BAZ1B: variants seen among roughly 807,000 people sequenced by gnomAD.
The protein encoded by BAZ1B is bromodomain adjacent to zinc finger domain 1B, also known as tyrosine-protein kinase BAZ1B.
In BAZ1B, 22 loss-of-function variants were observed where a neutral mutation model predicts 153.8. That is an observed-to-expected ratio of 0.14 (90% CI 0.10 to 0.20). The LOEUF (loss-of-function observed/expected upper bound fraction) is 0.20, where lower values mean the gene tolerates loss of function less well. Ranked by LOEUF, BAZ1B falls within the 10% of genes least tolerant of loss-of-function variation. BAZ1B has a pLI of 1.00. For synonymous variants in BAZ1B, 676 were observed against 633.4 expected (o/e 1.07, Z -1.01); for missense variants, 1,325 against 1,799.3 (o/e 0.74, Z 4.77).
At position 73,447,393 on chromosome 7, in the gene BAZ1B, AAAT is replaced by A; in HGVS notation, c.3729-17_3729-15del. ...TCAGTATAGTTCCTGTGGGTAGAAAAAATAATGTAGGGAACACAGTTTTAGCCC... is the reference window on the plus strand; with the variant it reads ...TCAGTATAGTTCCTGTGGGTAGAAAAAATGTAGGGAACACAGTTTTAGCCC... On this transcript the variant is annotated splice_polypyrimidine_tract_variant and intron_variant, in intron 15 of 19. Transcript: ENST00000339594. 1 of 1,605,076 alleles carries A rather than the reference AAAT, an allele frequency of 6.2e-7. No individual in the cohort carries two copies. Among genetic ancestry groups the A allele is most frequent in the Non-Finnish European group, 8.5e-7 (1 of 1,175,402 alleles).
intron 4 of BAZ1B, among the ~76,000 whole-genome samples, chr7:73,497,334 A>T (rs1789953526): frequency 6.6e-6 from 1 of 152,178 alleles, no homozygotes; most frequent in African/African-American, 2.4e-5. Context: ...CTTCAACAGC[A>T]ACAGGAGGTC....
chr7:73,498,367 T>C, intron 4 of BAZ1B, 130 bp downstream of exon 4: 1 of 849,326 alleles, frequency 1.2e-6, no homozygotes, highest in South Asian at 1.6e-5. Context: ...GTTCTATGAA[T>C]CATAAATGAA....
intron 3 of BAZ1B, among the ~76,000 whole-genome samples, chr7:73,505,222 T>C (rs1357312217): frequency 4.6e-5 from 7 of 152,200 alleles, no homozygotes; most frequent in Non-Finnish European, 1.0e-4. Context: ...TTTTTCCAGA[T>C]ATGCTTCTGG....
chr7:73,517,410 C>T (rs1425232923), intron 1 of BAZ1B, among the ~76,000 whole-genome samples: 2 of 151,908 alleles, frequency 1.3e-5, no homozygotes, highest in African/African-American at 4.8e-5. Context: ...GGAAGAATCA[C>T]TTGAGCCTGG....
chr7:73,441,899 A>G (rs1372754439), intron 19 of BAZ1B: 18 of 426,462 alleles, frequency 4.2e-5, no homozygotes, highest in African/African-American at 6.0e-5. Flanking sequence ...GCCCTTAGGA[A>G]AGAAGGCAGG....
intron 6 of BAZ1B, among the ~76,000 whole-genome samples, chr7:73,483,638 T>A (rs1185651124): frequency 1.3e-5 from 2 of 151,544 alleles, no homozygotes; most frequent in African/African-American, 4.8e-5. Context: ...CTCACAAACT[T>A]TTTTTTTTCC....
chr7:73,514,743 T>C, intron 1 of BAZ1B, among the ~76,000 whole-genome samples: 1 of 151,696 alleles, frequency 6.6e-6, no homozygotes, highest in East Asian at 1.9e-4. Flanking sequence ...GAGGTGGAGG[T>C]TGCAGTGAGC....
intron 15 of BAZ1B, 66 bp from the exon 16 acceptor site, chr7:73,447,445 A>C (rs1281121114): frequency 6.5e-7 from 1 of 1,533,326 alleles, no homozygotes; most frequent in Non-Finnish European, 8.8e-7. Context: ...GAAGGGCTCA[A>C]ATCCCACAGG....
rs782811497 is a variant in BAZ1B at position 73,450,855 on chromosome 7, C to T, written c.3572G>A (p.Arg1191Gln). The change falls in exon 14 of 20, where the codon CGA becomes CAA. Residue 1191 changes from arginine to glutamine, a missense_variant. Arg to Gln is a conservative substitution (Grantham distance 43). Around this residue, in one of 9 missense-constraint regions of BAZ1B, gnomAD observed 21 missense variants for 58.3 expected, o/e 0.36. Coordinates refer to ENST00000339594, the MANE Select transcript of BAZ1B (RefSeq NM_032408.4). The surrounding 1 kb of genome is among the most constrained non-coding windows in gnomAD (Gnocchi z 4.1). ...SAENARCKVC[R>Q]KKGEDDKLIL... ...ATTTGATTTAAATATACCTTTCTTT[C>T]GACAAACTTTGCACCTAGCATTTTC... 6.2e-7 allele frequency: 1 copy of T among 1,613,988 alleles called. No individual in the cohort carries two copies. Among genetic ancestry groups the T allele is most frequent in the Non-Finnish European group, 8.5e-7 (1 of 1,179,926 alleles).
intron 13 of BAZ1B, among the ~76,000 whole-genome samples, chr7:73,453,974 T>C (rs996705398): frequency 3.9e-5 from 6 of 152,070 alleles, no homozygotes; most frequent in Admixed American, 1.3e-4. Flanking sequence ...AGTGAGACCC[T>C]GTTATTCATT....
chr7:73,489,070 G>A, intron 6 of BAZ1B, 124 bp downstream of exon 6: 1 of 1,027,090 alleles, frequency 9.7e-7, no homozygotes, highest in South Asian at 1.7e-5. Flanking sequence ...AGATATACCT[G>A]AAAAATTTTT....
chr7:73,509,258 G>T (rs528359815), intron 2 of BAZ1B, among the ~76,000 whole-genome samples: 1 of 148,232 alleles, frequency 6.7e-6, no homozygotes, highest in South Asian at 2.1e-4. Context: ...GGAAGCGAAG[G>T]TTGCAGTGAG....
intron 7 of BAZ1B, among the ~76,000 whole-genome samples, chr7:73,472,472 G>C (rs990661552): frequency 8.5e-5 from 13 of 152,078 alleles, no homozygotes; most frequent in African/African-American, 3.1e-4. Flanking sequence ...TGGTCAGGCT[G>C]GTCTTGAACT....
intron 5 of BAZ1B, among the ~76,000 whole-genome samples, chr7:73,491,907 T>TGCAGAA (rs2116387596): frequency 6.6e-6 from 1 of 152,146 alleles, no homozygotes; most frequent in African/African-American, 2.4e-5. Flanking sequence ...TCTAAGATTC[T>TGCAGAA]GCACATACAG....
At chr7:73,449,311 T>C (rs1554567493) in intron 15 of BAZ1B, among the ~76,000 whole-genome samples, 1 of 152,060 alleles carries the variant, frequency 6.6e-6, no homozygotes, top group Non-Finnish European at 1.5e-5. Flanking sequence ...GAAGGTATGA[T>C]CAAGAAGACA....
intron 13 of BAZ1B, among the ~76,000 whole-genome samples, chr7:73,452,905 A>G (rs1292930084): frequency 6.6e-6 from 1 of 152,218 alleles, no homozygotes; most frequent in Non-Finnish European, 1.5e-5. Flanking sequence ...AAACGCCACC[A>G]AAGTAAACAA....
At chr7:73,513,650 T>C (rs560144328) in intron 1 of BAZ1B, among the ~76,000 whole-genome samples, 3 of 152,204 alleles carry the variant, frequency 2.0e-5, no homozygotes, top group South Asian at 2.1e-4. Context: ...AAGGGATGGG[T>C]AGTAAAATAA....
chr7:73,458,790 A>G (rs781982754), intron 13 of BAZ1B, among the ~76,000 whole-genome samples: 28 of 152,146 alleles, frequency 1.8e-4, no homozygotes, highest in Non-Finnish European at 2.6e-4. Flanking sequence ...AAACTTTGAG[A>G]GGCCAAGGTG....
Position 73,522,199 on chromosome 7 carries a change from G to A in BAZ1B, c.-266C>T, listed in dbSNP as rs191239743. 3.6e-4 allele frequency: 142 copies of A among 392,336 alleles called. No homozygotes were observed. Among genetic ancestry groups the A allele is most frequent in the African/African-American group, 2.6e-3 (128 of 48,366 alleles). The allele number at this position is 392,336 out of a possible 1,614,324, so 24.3% of individuals were successfully genotyped here. The stretch of plus-strand genomic sequence containing the variant: ...ACCTCCGCTTCGGGTCCCGGCGGCC[G>A]GCAGTCACGACTCCTCCTCAGCAGC... On this transcript the variant is annotated 5_prime_UTR_variant, in exon 1 of 20. Coordinates refer to ENST00000339594, the MANE Select transcript of BAZ1B (RefSeq NM_032408.4).
Sources: gnomAD v4.1 joint callset for allele counts (sites outside exome capture counted in the v4.1 genomes callset) on GRCh38, gnomAD v4.1.1 for gene constraint, gnomAD v4.1.1 regional missense constraint, Gnocchi (gnomAD v3.1) non-coding constraint, MANE v1.5 for transcripts, NCBI Gene and HGNC (gene_info 2026-07-23, HGNC 2026-07-21) for gene names.